Variants in ATG13 observed in about 807,000 individuals in gnomAD.
ATG13 encodes autophagy related 13.
In ATG13, 23 loss-of-function variants were observed where a neutral mutation model predicts 65.5. The ratio of observed to expected loss-of-function variants is 0.35; its 90% CI spans 0.25 to 0.50. The LOEUF is 0.50. Ranked by LOEUF, ATG13 falls within the 20% of genes least tolerant of loss-of-function variation. The pLI is 0.98. For missense variants in ATG13, 566 were observed against 677.0 expected, an observed-to-expected ratio of 0.84 and a Z score of 1.82; for synonymous variants, 252 against 245.2, an observed-to-expected ratio of 1.03 and a Z score of -0.26.
In ATG13 at chr11:46,668,783, C is replaced by T. The variant is rs1357591633; in HGVS notation, c.1330-11C>T. ...CAGCATCAGCCCTAATCCTGCCTTGCTATGAAACAGGTGAATCCTCCAGAT... is the reference window on the plus strand; with the variant it reads ...CAGCATCAGCCCTAATCCTGCCTTGTTATGAAACAGGTGAATCCTCCAGAT... On this transcript the variant is annotated splice_polypyrimidine_tract_variant and intron_variant, in intron 16 of 18. Coordinates refer to ENST00000683050, the MANE Select transcript of ATG13 (RefSeq NM_001346311.2). The T allele has an allele frequency of 1.2e-6, 2 of 1,603,406 alleles. No homozygotes were observed. Among genetic ancestry groups the T allele is most frequent in the South Asian group, 2.2e-5 (2 of 90,882 alleles).
intron 11 of ATG13, among the ~76,000 whole-genome samples, chr11:46,662,799 G>A (rs1254491785): frequency 6.6e-6 from 1 of 152,044 alleles, no homozygotes; most frequent in East Asian, 1.9e-4. Flanking sequence ...ACTTCTATTG[G>A]AGCTTTTGCT....
chr11:46,636,773 TAC>T (rs1591656600), intron 2 of ATG13, among the ~76,000 whole-genome samples: 1 of 151,850 alleles, frequency 6.6e-6, no homozygotes, highest in African/African-American at 2.4e-5. Flanking sequence ...ATTTAGTTGA[TAC>T]AGTTTTTTTT....
chr11:46,627,773 C>T (rs1291024418), intron 1 of ATG13, among the ~76,000 whole-genome samples: 2 of 152,088 alleles, frequency 1.3e-5, no homozygotes, highest in East Asian at 3.9e-4. Flanking sequence ...GCCACCGTGC[C>T]TGGCCTGAAT....
At chr11:46,629,449 T>C (rs1320254040) in intron 1 of ATG13, among the ~76,000 whole-genome samples, 1 of 152,092 alleles carries the variant, frequency 6.6e-6, no homozygotes, top group African/African-American at 2.4e-5. Context: ...CAGGCTGGAG[T>C]GCAATTGCAT....
chr11:46,656,948 C>A, intron 8 of ATG13, 147 bp from the exon 9 acceptor site: 1 of 671,862 alleles, frequency 1.5e-6, no homozygotes, highest in East Asian at 2.6e-5. Context: ...CACACACACA[C>A]ATATGAAATT....
rs1261206410 is a variant in ATG13 at position 46,664,837 on chromosome 11, T to C, written c.889-12T>C. The C allele has an allele frequency of 6.2e-7, 1 of 1,608,614 alleles. No individual in the cohort carries two copies. Among genetic ancestry groups the C allele is most frequent in the Non-Finnish European group, 8.5e-7 (1 of 1,176,260 alleles). On this transcript the variant is annotated splice_polypyrimidine_tract_variant and intron_variant, in intron 12 of 18. Transcript: ENST00000683050. ...CCTTTCCTTTTCTCCTCTTTGTTTTTCTCTTGCTTAGCTCTCAAGCTCTCG... is the reference window on the plus strand; with the variant it reads ...CCTTTCCTTTTCTCCTCTTTGTTTTCCTCTTGCTTAGCTCTCAAGCTCTCG...
intron 3 of ATG13, 65 bp downstream of exon 3, chr11:46,644,425 G>T: frequency 7.3e-7 from 1 of 1,371,748 alleles, no homozygotes. Context: ...TCCCTTTTGC[G>T]AACAACTCTC....
At chr11:46,657,723 G>A in intron 10 of ATG13, 101 bp downstream of exon 10, 9 of 1,081,750 alleles carry the variant, frequency 8.3e-6, no homozygotes, top group Non-Finnish European at 1.2e-5. Flanking sequence ...ACTCTCCAGT[G>A]GGCAGGGGGC....
intron 1 of ATG13, among the ~76,000 whole-genome samples, chr11:46,625,948 C>A (rs1430117516): frequency 6.6e-6 from 1 of 151,994 alleles, no homozygotes; most frequent in Admixed American, 6.6e-5. Flanking sequence ...GTATTGATTT[C>A]TTTTGTTTCT....
At chr11:46,656,397 A>G in intron 8 of ATG13, 124 bp downstream of exon 8, 1 of 1,016,130 alleles carries the variant, frequency 9.8e-7, no homozygotes, top group Non-Finnish European at 1.4e-6. Context: ...CAAGTAAAGA[A>G]AAGATGAGAA....
intron 2 of ATG13, among the ~76,000 whole-genome samples, chr11:46,637,962 C>T (rs913900874): frequency 8.5e-5 from 13 of 152,074 alleles, no homozygotes; most frequent in Non-Finnish European, 1.0e-4. Context: ...TAAGTCCTAG[C>T]TCTTTTGGGC....
intron 1 of ATG13, chr11:46,625,253 C>A: frequency 7.0e-6 from 1 of 142,520 alleles, no homozygotes; most frequent in African/African-American, 2.6e-5. Flanking sequence ...GGTACTTTTG[C>A]TATAGCTTGC....
chr11:46,668,449 A>G (rs771533136), intron 15 of ATG13, 50 bp from the exon 16 acceptor site: 2 of 1,573,718 alleles, frequency 1.3e-6, no homozygotes, highest in East Asian at 2.2e-5. Flanking sequence ...AGGAAGCATG[A>G]ACACTGCAGG....
chr11:46,639,795 G>A (rs1404624560), intron 2 of ATG13, among the ~76,000 whole-genome samples: 1 of 151,922 alleles, frequency 6.6e-6, no homozygotes, highest in Non-Finnish European at 1.5e-5. Context: ...CTCTGTGGGG[G>A]GGCCTTTAAA....
intron 2 of ATG13, among the ~76,000 whole-genome samples, chr11:46,634,576 G>A (rs865776095): frequency 6.6e-6 from 1 of 151,546 alleles, no homozygotes; most frequent in Middle Eastern, 3.2e-3. Context: ...TGTATTTTTA[G>A]TAGAGACAGG....
chr11:46,625,878 A>T (rs1229933134), intron 1 of ATG13, among the ~76,000 whole-genome samples: 1 of 152,122 alleles, frequency 6.6e-6, no homozygotes, highest in Non-Finnish European at 1.5e-5. Flanking sequence ...GTTTGTGTGG[A>T]TGGAGTGAGG....
In ATG13 at chr11:46,645,998, A is replaced by G. The variant is rs747591428; in HGVS notation, c.270+9A>G. 1.9e-6 allele frequency: 3 copies of G among 1,613,978 alleles called. No individual in the cohort carries two copies. Among genetic ancestry groups the G allele is most frequent in the Admixed American group, 3.3e-5 (2 of 60,020 alleles). ...CACTTAAGACTTCTGAGGTAAGGCT[A>G]TGGCCAGGTTGGTGTCTTCATTTAG... On this transcript the variant is annotated intron_variant, in intron 5 of 18. Transcript: ENST00000683050.
intron 7 of ATG13, among the ~76,000 whole-genome samples, chr11:46,653,503 G>A (rs965933148): frequency 1.2e-4 from 18 of 150,472 alleles, no homozygotes; most frequent in African/African-American, 3.9e-4. Context: ...CAAAACTGTA[G>A]TCTGTAAGAC....
intron 1 of ATG13, chr11:46,618,378 A>G (rs754327596): frequency 6.6e-6 from 1 of 152,518 alleles, no homozygotes; most frequent in Non-Finnish European, 1.5e-5. Flanking sequence ...ATCTCTGGGT[A>G]AGTGGCTAAG....
Sources: gnomAD v4.1 joint callset for allele counts (sites outside exome capture counted in the v4.1 genomes callset) on GRCh38, gnomAD v4.1.1 for gene constraint, MANE v1.5 for transcripts, NCBI Gene and HGNC (gene_info 2026-07-23, HGNC 2026-07-21) for gene names.